The following CREB5 variants were observed in gnomAD, a reference collection of about 807,000 sequenced individuals.
The protein encoded by CREB5 is cyclic AMP-responsive element-binding protein 5.
In CREB5, 19 loss-of-function variants were observed where a neutral mutation model predicts 57.1. The observed-to-expected ratio is 0.33, with a 90% CI of 0.23 to 0.49. CREB5 has a LOEUF of 0.49. Among genes scored for constraint, CREB5 ranks in the 20% least tolerant of loss-of-function variants. The probability of loss-of-function intolerance (pLI) is 0.99; values close to 1 mark genes in which losing one functional copy is unlikely to be tolerated. For synonymous variants in CREB5, 238 were observed against 238.3 expected, an observed-to-expected ratio of 1.00 and a Z score of 0.01; for missense variants, 579 against 671.6, an observed-to-expected ratio of 0.86 and a Z score of 1.52.
intron 7 of CREB5, among the ~76,000 whole-genome samples, chr7:28,767,623 T>G (rs980380894): frequency 6.6e-6 from 1 of 152,132 alleles, no homozygotes; most frequent in Non-Finnish European, 1.5e-5. Flanking sequence ...GGAGTGGGAA[T>G]GGGGAGAGAA....
intron 5 of CREB5, among the ~76,000 whole-genome samples, chr7:28,652,456 G>A (rs992553698): frequency 1.3e-5 from 2 of 152,192 alleles, no homozygotes; most frequent in Non-Finnish European, 2.9e-5. Flanking sequence ...ATAGATGAAA[G>A]AATATGATTA....
intron 1 of CREB5, among the ~76,000 whole-genome samples, chr7:28,366,642 T>C (rs1459836402): frequency 1.3e-5 from 2 of 152,240 alleles, no homozygotes; most frequent in Admixed American, 1.3e-4. Context: ...AGTTTTCTAA[T>C]GATCTAGCTC....
intron 5 of CREB5, among the ~76,000 whole-genome samples, chr7:28,639,842 C>T (rs750246399): frequency 6.6e-6 from 1 of 152,128 alleles, no homozygotes; most frequent in South Asian, 2.1e-4. Flanking sequence ...GAGTGAAAAT[C>T]AATGCCACAA....
At chr7:28,635,313 C>T (rs1035206414) in intron 5 of CREB5, among the ~76,000 whole-genome samples, 2 of 152,190 alleles carry the variant, frequency 1.3e-5, no homozygotes, top group African/African-American at 2.4e-5. Flanking sequence ...CATTATTTCT[C>T]TGCTATATCT....
At chr7:28,685,914 T>A in intron 5 of CREB5, 2 of 443,346 alleles carry the variant, frequency 4.5e-6, no homozygotes, top group South Asian at 4.7e-5. Flanking sequence ...TTCTGCCAGA[T>A]TTAAGTGGTG....
intron 5 of CREB5, among the ~76,000 whole-genome samples, chr7:28,572,810 TG>T (rs1795754393): frequency 6.6e-6 from 1 of 152,328 alleles, no homozygotes; most frequent in African/African-American, 2.4e-5. Flanking sequence ...CATGCCTGGA[TG>T]GAGGCGGGTG....
intron 5 of CREB5, among the ~76,000 whole-genome samples, chr7:28,646,757 C>A (rs1798904570): frequency 6.6e-6 from 1 of 152,050 alleles, no homozygotes; most frequent in African/African-American, 2.4e-5. Context: ...AATGTTCTTA[C>A]TTATTTGTTT....
chr7:28,352,954 C>A (rs1319565381), intron 1 of CREB5, among the ~76,000 whole-genome samples: 1 of 152,218 alleles, frequency 6.6e-6, no homozygotes, highest in Admixed American at 6.5e-5. Context: ...TTGGCTATGG[C>A]AAACACATGC....
intron 1 of CREB5, among the ~76,000 whole-genome samples, chr7:28,355,571 C>T (rs908700079): frequency 1.3e-5 from 2 of 152,104 alleles, no homozygotes; most frequent in East Asian, 1.9e-4. Context: ...TTTTCTCAGA[C>T]AGACACAGCC....
At chr7:28,704,909 G>A (rs1802032002) in intron 5 of CREB5, among the ~76,000 whole-genome samples, 1 of 152,176 alleles carries the variant, frequency 6.6e-6, no homozygotes, top group Non-Finnish European at 1.5e-5. Flanking sequence ...CCAGGCAAAT[G>A]ACTGGCTGAG....
intron 5 of CREB5, among the ~76,000 whole-genome samples, chr7:28,585,721 T>C (rs60855128): frequency 0.055 from 8,283 of 151,930 alleles, 821 homozygotes; most frequent in African/African-American, 0.19. Flanking sequence ...CCACCAGAAT[T>C]GTTCTGGGGC....
intron 5 of CREB5, among the ~76,000 whole-genome samples, chr7:28,675,658 C>T (rs1481187698): frequency 6.6e-6 from 1 of 152,120 alleles, no homozygotes; most frequent in Non-Finnish European, 1.5e-5. Flanking sequence ...GAAACTTTGA[C>T]AAATTAAGAC....
Position 28,560,845 on chromosome 7 carries a change from C to CGTGTGTGT in CREB5, c.292-9519_292-9518insTGTGTGTG, listed in dbSNP as rs1396686194. Among the ~76,000 whole-genome samples, 4 of 41,364 alleles carry CGTGTGTGT rather than the reference C, an allele frequency of 9.7e-5. 1 individual carries two copies. Among genetic ancestry groups the CGTGTGTGT allele is most frequent in the African/African-American group, 3.2e-4 (4 of 12,508 alleles). 27.1% of individuals were successfully genotyped at this position (41,364 alleles called of 152,430 possible). On this transcript the variant is annotated intron_variant, in intron 4 of 10. Coordinates refer to ENST00000357727, the MANE Select transcript of CREB5 (RefSeq NM_182898.4). Reference sequence around the variant, plus strand: ...GTGCGCGCGCGCGCGTGTGTGTGTGCGCGTGTGTGTGTGCGTGTGCCTGCG... The same window carrying CGTGTGTGT: ...GTGCGCGCGCGCGCGTGTGTGTGTGCGTGTGTGTGCGTGTGTGTGTGCGTGTGCCTGCG...
intron 1 of CREB5, among the ~76,000 whole-genome samples, chr7:28,466,577 C>T (rs563731837): frequency 1.3e-5 from 2 of 152,298 alleles, no homozygotes; most frequent in East Asian, 3.9e-4. Flanking sequence ...TCTGACTAAG[C>T]TTTTCGTGTC....
intron 3 of CREB5, among the ~76,000 whole-genome samples, chr7:28,501,026 G>C (rs150239660): frequency 6.6e-6 from 1 of 152,146 alleles, no homozygotes; most frequent in African/African-American, 2.4e-5. Context: ...CAGTCATTGC[G>C]CCCTGTGCTT....
chr7:28,442,307 G>C (rs1026712771), intron 1 of CREB5, among the ~76,000 whole-genome samples: 1 of 152,102 alleles, frequency 6.6e-6, no homozygotes, highest in Non-Finnish European at 1.5e-5. Flanking sequence ...ATTCCAGTGT[G>C]TATATATGCC....
At chr7:28,346,526 C>A (rs1365774902) in intron 1 of CREB5, among the ~76,000 whole-genome samples, 1 of 152,222 alleles carries the variant, frequency 6.6e-6, no homozygotes, top group Admixed American at 6.5e-5. Context: ...TGGAGGAACA[C>A]AAACATTCAG....
chr7:28,347,268 C>T (rs1217351877), intron 1 of CREB5, among the ~76,000 whole-genome samples: 1 of 152,102 alleles, frequency 6.6e-6, no homozygotes, highest in Non-Finnish European at 1.5e-5. Flanking sequence ...GTGTGTTGTT[C>T]CAGCCATTTT....
At chr7:28,327,735 G>A (rs1438626426) in intron 1 of CREB5, among the ~76,000 whole-genome samples, 1 of 151,998 alleles carries the variant, frequency 6.6e-6, no homozygotes, top group Non-Finnish European at 1.5e-5. Flanking sequence ...TTTAACATCT[G>A]TAAATATAGG....
Sources: allele counts gnomAD v4.1 joint callset (sites outside exome capture counted in the v4.1 genomes callset), GRCh38; gene constraint gnomAD v4.1.1; transcripts MANE v1.5; gene names NCBI Gene and HGNC (gene_info 2026-07-23, HGNC 2026-07-21).